CNTNAP1: variants seen among roughly 807,000 people sequenced by gnomAD.
CNTNAP1 encodes the protein contactin-associated protein 1.
In CNTNAP1, 80 loss-of-function variants were observed where a neutral mutation model predicts 161.5. The observed-to-expected ratio is 0.50, with a 90% CI of 0.41 to 0.60. CNTNAP1 has a LOEUF of 0.60. CNTNAP1 is among the 20% of genes least tolerant of loss of function. The probability of loss-of-function intolerance (pLI) is 0.00; values close to 1 mark genes in which losing one functional copy is unlikely to be tolerated. For synonymous variants in CNTNAP1, 695 were observed against 733.1 expected, an observed-to-expected ratio of 0.95 and a Z score of 0.84; for missense variants, 1,464 against 1,854.8, an observed-to-expected ratio of 0.79 and a Z score of 3.87.
At position 42,687,089 on chromosome 17, in the gene CNTNAP1, T is replaced by C. The variant is rs769076401; in HGVS notation, c.1044+43T>C. 4 of 1,589,266 alleles carry C rather than the reference T, an allele frequency of 2.5e-6. No homozygotes were observed. In the South Asian group the frequency reaches 4.4e-5, roughly 18 times the overall value. ...TCTGGGAGGACAGGATATCAAAGCG[T>C]CGTGGAAAGCAAAGAGGTGGAGCGG... is the stretch of plus-strand genomic sequence containing the variant. On this transcript the variant is annotated intron_variant, in intron 7 of 23. Transcript: ENST00000264638. The surrounding 1 kb of genome is among the most constrained non-coding windows in gnomAD (Gnocchi z 4.7).
At chr17:42,684,293 C>A in intron 3 of CNTNAP1, 64 bp downstream of exon 3, 1 of 1,500,178 alleles carries the variant, frequency 6.7e-7, no homozygotes, top group Non-Finnish European at 9.0e-7. Flanking sequence ...CTGGGCCGGG[C>A]ACCAGCCTCT....
Position 42,685,137 on chromosome 17 carries a change from C to A in CNTNAP1, c.510C>A (p.Tyr170Ter). 1 of 1,594,942 alleles carries A rather than the reference C, an allele frequency of 6.3e-7. No homozygotes were observed. The highest frequency in any genetic ancestry group is 8.6e-7 in the Non-Finnish European group (1 of 1,169,192). Residue 170 changes from tyrosine (Y) to a stop codon, truncating the protein, a stop_gained and splice_region_variant, in exon 4 of 24, where the codon TAC (tyrosine) becomes TAA (stop). Coordinates refer to ENST00000264638, the MANE Select transcript of CNTNAP1 (RefSeq NM_003632.3). LOFTEE classifies it high-confidence loss of function. The surrounding 1 kb of genome is among the most constrained non-coding windows in gnomAD (Gnocchi z 5.0). ...GLRLGLYGCPYKADILYFDGD... is the reference protein window; with the variant it reads ...GLRLGLYGCP ...GGCTCGGCCTCTATGGCTGCCCATACAGTAAGTGTGCAGAGAGCGCGGAGG... is the reference window on the plus strand; with the variant it reads ...GGCTCGGCCTCTATGGCTGCCCATAAAGTAAGTGTGCAGAGAGCGCGGAGG...
At chr17:42,696,798 C>T (rs994284545) in intron 20 of CNTNAP1, among the ~76,000 whole-genome samples, 12 of 151,996 alleles carry the variant, frequency 7.9e-5, no homozygotes, top group African/African-American at 2.9e-4. Flanking sequence ...CAGAGTGAGA[C>T]TCCATCTCAA....
chr17:42,689,433 AG>A, intron 10 of CNTNAP1, 87 bp from the exon 11 acceptor site: 4 of 1,048,604 alleles, frequency 3.8e-6, no homozygotes, highest in Non-Finnish European at 5.7e-6. Context: ...TGGGGCTTCA[AG>A]GAGCTGGGAG....
chr17:42,695,917 C>A (rs188636473), intron 19 of CNTNAP1, 43 bp downstream of exon 19: 3 of 1,596,930 alleles, frequency 1.9e-6, no homozygotes, highest in African/African-American at 2.7e-5. Flanking sequence ...AGCTTCACCC[C>A]GGTGCCCCTA....
In CNTNAP1 at chr17:42,687,603, C is replaced by T. The variant is rs1051840229; in HGVS notation, c.1045-117C>T. The stretch of plus-strand genomic sequence containing the variant: ...GTCACGTCATGGTTGGAGATCTCAC[C>T]CCCGCCAACACCGAAGGAGGGCGGT... On this transcript the variant is annotated intron_variant, in intron 7 of 23. Transcript: ENST00000264638. This position sits in a 1 kb window ranked among gnomAD's most constrained non-coding sequence, Gnocchi z 4.7. 12 of 1,357,528 alleles carry T rather than the reference C, an allele frequency of 8.8e-6. No individual in the cohort carries two copies. Among genetic ancestry groups the T allele is most frequent in the Non-Finnish European group, 1.2e-5 (12 of 982,644 alleles). 84.1% of individuals were successfully genotyped at this position (1,357,528 alleles called of 1,614,324 possible). A position where few individuals can be genotyped will look rare whatever the true frequency, so the allele number is the denominator to read the frequency against.
intron 23 of CNTNAP1, 84 bp from the exon 24 acceptor site, chr17:42,698,534 C>CGTGTGTGTGT (rs112344327): frequency 2.7e-5 from 23 of 865,202 alleles, no homozygotes; most frequent in African/African-American, 7.6e-5. Flanking sequence ...TCAAAGAGTG[C>CGTGTGTGTGT]GTGTGTGTGT....
In CNTNAP1 at chr17:42,686,079, GA is replaced by G. The variant is rs2053002785; in HGVS notation, c.839del (p.Asp280AlafsTer16). The part of the protein sequence containing the change: ...RFGRDVNFTL[D>X]GYVQRFILNG... ...TGGCCGCGATGTAAATTTCACCCTG[GA>G]CGGCTATGTGCAGCGCTTTATTCTC... On this transcript the variant is annotated frameshift_variant, in exon 6 of 24. Transcript: ENST00000264638. LOFTEE classifies it high-confidence loss of function. 1 of 1,614,098 alleles carries G rather than the reference GA, an allele frequency of 6.2e-7. No individual in the cohort carries two copies. The highest frequency in any genetic ancestry group is 8.5e-7 in the Non-Finnish European group (1 of 1,180,056).
Position 42,682,879 on chromosome 17 carries a change from C to G in CNTNAP1, c.50C>G (p.Ala17Gly), listed in dbSNP as rs537059106. Residue 17 changes from alanine (A) to glycine (G), a missense_variant, in exon 1 of 24, where the codon GCC (alanine) becomes GGC (glycine). Coordinates refer to ENST00000264638, the MANE Select transcript of CNTNAP1 (RefSeq NM_003632.3). ...FCILLAAVSG[A>G]EGWGYYGCDE... ...ATCCTGCTCGCCGCGGTCTCAGGAGCCGAGGGCTGGGGCTACTGTGAGTGT... is the reference window on the plus strand; with the variant it reads ...ATCCTGCTCGCCGCGGTCTCAGGAGGCGAGGGCTGGGGCTACTGTGAGTGT... The G allele has an allele frequency of 6.2e-7, 1 of 1,601,228 alleles. No homozygotes were observed. Among genetic ancestry groups the G allele is most frequent in the African/African-American group, 1.3e-5 (1 of 74,664 alleles).
Position 42,695,721 on chromosome 17 carries a change from C to T in CNTNAP1, c.3193C>T (p.Pro1065Ser), listed in dbSNP as rs781752633. 7.4e-6 allele frequency: 12 copies of T among 1,614,092 alleles called. No homozygotes were observed. Among genetic ancestry groups the T allele is most frequent in the Non-Finnish European group, 9.3e-6 (11 of 1,180,052 alleles). Reference protein sequence around the residue: ...PGYRLPDYPRPGRPVPGYRGP... With the variant: ...PGYRLPDYPRSGRPVPGYRGP... Reference sequence around the variant, plus strand: ...GTACCGCCTGCCCGACTACCCCCGGCCTGGTCGGCCTGTGCCCGGTTACCG... The same window carrying T: ...GTACCGCCTGCCCGACTACCCCCGGTCTGGTCGGCCTGTGCCCGGTTACCG... The change falls in exon 19 of 24, where the codon CCT (proline) becomes TCT (serine). Residue 1065 changes from proline (P) to serine (S), a missense_variant. By Grantham distance (74) the Pro-to-Ser change is moderately conservative (BLOSUM62 -1). Transcript: ENST00000264638.
At chr17:42,683,013 C>T in intron 1 of CNTNAP1, 117 bp downstream of exon 1, 1 of 957,852 alleles carries the variant, frequency 1.0e-6, no homozygotes, top group Non-Finnish European at 1.5e-6. Flanking sequence ...GGCGCGCGCC[C>T]GCTGGCTCTC....
chr17:42,693,392 T>A lies in CNTNAP1; in HGVS notation c.2848T>A (p.Ser950Thr), dbSNP rs1165464595. The A allele has an allele frequency of 1.2e-6, 2 of 1,614,094 alleles. No homozygotes were observed. Among genetic ancestry groups the A allele is most frequent in the African/African-American group, 2.7e-5 (2 of 74,928 alleles). ...TLNLEGRANASEGTSPNCTGH... is the reference protein window; with the variant it reads ...TLNLEGRANATEGTSPNCTGH... ...GAACCTGGAGGGCCGTGCCAATGCC[T>A]CTGAGGGTACCTCACCCAACTGCAC... Residue 950 changes from serine (S) to threonine (T), a missense_variant, in exon 18 of 24, where the codon TCT becomes ACT. This residue lies in a region of CNTNAP1 where 1,383 missense variants were observed against 1,765.0 expected (regional missense o/e 0.78). Transcript: ENST00000264638.
At position 42,682,643 on chromosome 17, in the gene CNTNAP1, A is replaced by G. The variant is rs1028330676; in HGVS notation, c.-187A>G. On this transcript the variant is annotated 5_prime_UTR_variant, in exon 1 of 24. Transcript: ENST00000264638. ...GCGGAGGACCAGGAACCAGAGAGAG[A>G]GAGAGAGAAAAGAGAGAGGAGAGAC... 67 of 613,982 alleles carry G rather than the reference A, an allele frequency of 1.1e-4. No individual in the cohort carries two copies. In the Middle Eastern group the frequency reaches 2.5e-3, roughly 23 times the overall value. The allele number at this position is 613,982 out of a possible 1,614,324, so 38.0% of individuals were successfully genotyped here.
Position 42,682,595 on chromosome 17 carries a change from A to C in CNTNAP1, c.-235A>C. 2 of 543,710 alleles carry C rather than the reference A, an allele frequency of 3.7e-6. No homozygotes were observed. The highest frequency in any genetic ancestry group is 6.5e-6 in the Non-Finnish European group (2 of 306,216). The allele number at this position is 543,710 out of a possible 1,614,324, so 33.7% of individuals were successfully genotyped here. A position where few individuals can be genotyped will look rare whatever the true frequency, so the allele number is the denominator to read the frequency against. On this transcript the variant is annotated 5_prime_UTR_variant, in exon 1 of 24. Transcript: ENST00000264638. ...GGGAGGTGAGAGGAAAGAGGGTGGA[A>C]AGGAGAGGATAGAGAGAGAAGAGCG... is the stretch of plus-strand genomic sequence containing the variant.
Position 42,687,252 on chromosome 17 carries a change from A to G in CNTNAP1, c.1044+206A>G, listed in dbSNP as rs2053029744. 2 of 619,612 alleles carry G rather than the reference A, an allele frequency of 3.2e-6. No individual in the cohort carries two copies. The highest frequency in any genetic ancestry group is 2.3e-5 in the South Asian group (1 of 43,746). 38.4% of individuals were successfully genotyped at this position (619,612 alleles called of 1,614,324 possible). On this transcript the variant is annotated intron_variant, in intron 7 of 23. Coordinates refer to ENST00000264638, the MANE Select transcript of CNTNAP1 (RefSeq NM_003632.3). This position sits in a 1 kb window ranked among gnomAD's most constrained non-coding sequence, Gnocchi z 4.7. ...AGTTAAGAAGCAGTGGTCGGGTCCAATCACCTTCTTAGTTCATAGATGAAG... is the reference window on the plus strand; with the variant it reads ...AGTTAAGAAGCAGTGGTCGGGTCCAGTCACCTTCTTAGTTCATAGATGAAG...
intron 1 of CNTNAP1, 146 bp from the exon 2 acceptor site, chr17:42,683,673 AAT>A: frequency 1.4e-6 from 2 of 1,446,402 alleles, no homozygotes; most frequent in Non-Finnish European, 1.8e-6. Flanking sequence ...GCCAGGATTG[AAT>A]AGATGGCTTT....
intron 23 of CNTNAP1, 115 bp downstream of exon 23, chr17:42,698,065 T>A (rs1043484634): frequency 8.6e-7 from 1 of 1,162,102 alleles, no homozygotes; most frequent in Non-Finnish European, 1.3e-6. Flanking sequence ...AGATGCACAA[T>A]GGCACAAAGG....
intron 18 of CNTNAP1, among the ~76,000 whole-genome samples, chr17:42,694,631 C>CAAAA (rs34438412): frequency 7.3e-6 from 1 of 137,592 alleles, no homozygotes; most frequent in Non-Finnish European, 1.6e-5. Context: ...ACTGTGTCTA[C>CAAAA]AAAAAAAAAA....
rs151113401 is a variant in CNTNAP1, at chr17:42,697,583, C to T, written c.3598C>T (p.Arg1200Cys). Residue 1200 changes from arginine to cysteine, a missense_variant, in exon 22 of 24, where the codon CGC becomes TGC. Physicochemically the swap from Arg to Cys is radical, Grantham distance 180. Around this residue, in one of 3 missense-constraint regions of CNTNAP1, gnomAD observed 1,383 missense variants for 1,765.0 expected, o/e 0.78. Coordinates refer to ENST00000264638, the MANE Select transcript of CNTNAP1 (RefSeq NM_003632.3). Reference sequence around the variant, plus strand: ...AGGAGTCATTGACCCGGAGATCCAGCGCTACAACACCCCAGGTTTCTCAGG... The same window carrying T: ...AGGAGTCATTGACCCGGAGATCCAGTGCTACAACACCCCAGGTTTCTCAGG... ...ETGVIDPEIQRYNTPGFSGCL... is the reference protein window; with the variant it reads ...ETGVIDPEIQCYNTPGFSGCL... 5 of 1,614,074 alleles carry T rather than the reference C, an allele frequency of 3.1e-6. No individual in the cohort carries two copies. Among genetic ancestry groups the T allele is most frequent in the South Asian group, 2.2e-5 (2 of 91,074 alleles).
Sources: gnomAD v4.1 joint callset for allele counts (sites outside exome capture counted in the v4.1 genomes callset) on GRCh38, gnomAD v4.1.1 for gene constraint, gnomAD v4.1.1 regional missense constraint, Gnocchi (gnomAD v3.1) non-coding constraint, MANE v1.5 for transcripts, NCBI Gene and HGNC (gene_info 2026-07-23, HGNC 2026-07-21) for gene names.